THBS4: variants seen among roughly 807,000 people sequenced by gnomAD.
THBS4 encodes thrombospondin 4.
THBS4 carries 90 observed loss-of-function variants against 115.7 expected under a neutral mutation model. The observed-to-expected ratio is 0.78, with a 90% CI of 0.66 to 0.93. The LOEUF is 0.93. Among genes scored for constraint, THBS4 ranks in the 40% least tolerant of loss-of-function variants. The probability of loss-of-function intolerance (pLI) is 0.00; values close to 1 mark genes in which losing one functional copy is unlikely to be tolerated. For synonymous variants in THBS4, 460 were observed against 479.3 expected (o/e 0.96, Z 0.53); for missense variants, 1,087 against 1,232.7 (o/e 0.88, Z 1.77).
chr5:80,028,739 G>A (rs1027795575), intron 2 of THBS4, among the ~76,000 whole-genome samples: 2 of 152,090 alleles, frequency 1.3e-5, no homozygotes, highest in Non-Finnish European at 2.9e-5. Context: ...GATTACAGGC[G>A]TGAGCTACCA....
chr5:80,002,370 T>A (rs1241751663), intron 2 of THBS4, among the ~76,000 whole-genome samples: 1 of 152,190 alleles, frequency 6.6e-6, no homozygotes, highest in African/African-American at 2.4e-5. Context: ...ATACCCTCAA[T>A]GGATGTCAGG....
Position 80,035,693 on chromosome 5 carries a change from G to A in THBS4, c.88+68G>A. ...TGCCCCATCTGCTGAGTGAGTGGAGGGACTTGCTCGGCCCTGTGCTCCTGT... is the reference window on the plus strand; with the variant it reads ...TGCCCCATCTGCTGAGTGAGTGGAGAGACTTGCTCGGCCCTGTGCTCCTGT... On this transcript the variant is annotated intron_variant, in intron 1 of 21. Transcript: ENST00000350881. This position sits in a 1 kb window ranked among gnomAD's most constrained non-coding sequence, Gnocchi z 4.6. The A allele has an allele frequency of 9.0e-7, 1 of 1,104,980 alleles. No individual in the cohort carries two copies. The highest frequency in any genetic ancestry group is 1.2e-6 in the Non-Finnish European group (1 of 855,364). 68.4% of individuals were successfully genotyped at this position (1,104,980 alleles called of 1,614,324 possible).
At chr5:80,077,383 TC>T (rs1743269445) in intron 16 of THBS4, among the ~76,000 whole-genome samples, 2 of 152,090 alleles carry the variant, frequency 1.3e-5, no homozygotes, top group South Asian at 4.1e-4. Flanking sequence ...CCTGCCACCT[TC>T]CACTGGGAGT....
intron 19 of THBS4, 50 bp downstream of exon 19, chr5:80,079,308 C>CT: frequency 6.6e-7 from 1 of 1,516,060 alleles, no homozygotes. Flanking sequence ...GACCTCTCAT[C>CT]TTTTTTCAGA....
In THBS4 at chr5:80,055,906, C is replaced by T. The variant is rs756889254; in HGVS notation, c.414C>T (p.Ala138=). 1.9e-5 allele frequency: 30 copies of T among 1,614,024 alleles called. No homozygotes were observed. Among genetic ancestry groups the T allele is most frequent in the Middle Eastern group, 1.6e-4 (1 of 6,084 alleles). The part of the protein sequence containing the change: ...LLRLSNLQRG[A]GSLELYLDCI... ...GGCTGAGCAATTTGCAGCGAGGGGC[C>T]GGCTCCCTAGAGCTCTACCTGGACT... Residue 138 remains alanine (A), a synonymous_variant, in exon 3 of 22, where the codon GCC becomes GCT. Transcript: ENST00000350881.
At chr5:80,045,992 T>C (rs1170781473) in intron 2 of THBS4, among the ~76,000 whole-genome samples, 1 of 152,166 alleles carries the variant, frequency 6.6e-6, no homozygotes, top group African/African-American at 2.4e-5. Context: ...CACAAAACTA[T>C]AATAATTAGG....
chr5:80,065,080 C>G (rs1404205250), intron 8 of THBS4, among the ~76,000 whole-genome samples: 1 of 151,590 alleles, frequency 6.6e-6, no homozygotes, highest in Non-Finnish European at 1.5e-5. Context: ...TAAGAATCCT[C>G]ATTTAGGAGA....
chr5:80,063,574 C>A (rs1025417659), intron 8 of THBS4, among the ~76,000 whole-genome samples: 3 of 152,096 alleles, frequency 2.0e-5, no homozygotes, highest in African/African-American at 4.8e-5. Context: ...GCTTTTGTTG[C>A]CATTGCTTTA....
chr5:80,079,090 C>T lies in THBS4; in HGVS notation c.2343C>T (p.Phe781=), dbSNP rs752904360. 11 of 1,613,546 alleles carry T rather than the reference C, an allele frequency of 6.8e-6. No homozygotes were observed. The highest frequency in any genetic ancestry group is 3.3e-5 in the Admixed American group (2 of 59,972). The change falls in exon 19 of 22, where the codon TTC becomes TTT. Residue 781 remains phenylalanine, a synonymous_variant. Transcript: ENST00000350881. The part of the protein sequence containing the change: ...VGYTAFNGVD[F]EGTFHVNTQT... ...ACACAGCTTTTAATGGAGTTGACTT[C>T]GAAGGGACCTTCCATGTGAATACCC...
intron 2 of THBS4, among the ~76,000 whole-genome samples, chr5:80,050,022 A>G (rs1019020648): frequency 6.6e-6 from 1 of 152,204 alleles, no homozygotes; most frequent in Non-Finnish European, 1.5e-5. Flanking sequence ...TCCAATCTGC[A>G]CTGCATTCTG....
intron 14 of THBS4, chr5:80,072,613 T>G (rs538237878): frequency 2.9e-5 from 16 of 556,884 alleles, no homozygotes; most frequent in African/African-American, 2.1e-4. Flanking sequence ...GGCTGTCGAT[T>G]GCCTGTGAGG....
chr5:80,079,546 C>T (rs1204026426), intron 19 of THBS4, among the ~76,000 whole-genome samples: 2 of 152,144 alleles, frequency 1.3e-5, no homozygotes, highest in Non-Finnish European at 2.9e-5. Context: ...TAAATTTCAT[C>T]GATAGGTCCA....
At chr5:80,019,041 G>GTTTTTTTTTTTTTTTTTTTTTTT (rs537532061) in intron 2 of THBS4, among the ~76,000 whole-genome samples, 1 of 135,012 alleles carries the variant, frequency 7.4e-6, no homozygotes. Context: ...CTCTGTGATT[G>GTTTTTTTTTTTTTTTTTTTTTTT]TTTTTTTTTT....
At chr5:80,015,575 ACCT>A (rs1404370287) in intron 2 of THBS4, among the ~76,000 whole-genome samples, 2 of 152,060 alleles carry the variant, frequency 1.3e-5, no homozygotes, top group African/African-American at 4.8e-5. Flanking sequence ...CTGATAAGAA[ACCT>A]CCTTATAATA....
At chr5:80,054,159 C>CT (rs757155578) in intron 2 of THBS4, among the ~76,000 whole-genome samples, 1,537 of 88,552 alleles carry the variant, frequency 0.017, 28 homozygotes, top group East Asian at 0.04. Flanking sequence ...CTTTTCTTTT[C>CT]TTTTTTTTTT....
chr5:79,999,229 T>C (rs1831852969), intron 2 of THBS4, among the ~76,000 whole-genome samples: 1 of 152,262 alleles, frequency 6.6e-6, no homozygotes, highest in Admixed American at 6.5e-5. Context: ...TTAAGGGCTA[T>C]GGCATAATAA....
intron 2 of THBS4, among the ~76,000 whole-genome samples, chr5:80,044,527 A>T (rs1833000241): frequency 1.3e-5 from 2 of 151,792 alleles, no homozygotes; most frequent in Admixed American, 1.3e-4. Context: ...GGTTCGACTG[A>T]CTCTCCTGCC....
chr5:80,074,026 A>G (rs1743060130), intron 15 of THBS4, among the ~76,000 whole-genome samples: 1 of 152,222 alleles, frequency 6.6e-6, no homozygotes, highest in Non-Finnish European at 1.5e-5. Context: ...TAAAATGAGG[A>G]TGACAATAGA....
Position 80,070,508 on chromosome 5 carries a change from T to C in THBS4, c.1452+98T>C, listed in dbSNP as rs1014023563. Reference sequence around the variant, plus strand: ...GTTCTGTGGATCTAATTTAAAATTGTACTTGTAAAGTAGCTGCATCTCAGA... The same window carrying C: ...GTTCTGTGGATCTAATTTAAAATTGCACTTGTAAAGTAGCTGCATCTCAGA... On this transcript the variant is annotated intron_variant, in intron 11 of 21. Transcript: ENST00000350881. The C allele has an allele frequency of 1.3e-5, 18 of 1,425,102 alleles. No homozygotes were observed. In the African/African-American group the frequency reaches 2.5e-4, roughly 20 times the overall value. 88.3% of individuals were successfully genotyped at this position (1,425,102 alleles called of 1,614,324 possible).
Sources: allele counts gnomAD v4.1 joint callset (sites outside exome capture counted in the v4.1 genomes callset), GRCh38; gene constraint gnomAD v4.1.1; non-coding constraint Gnocchi (gnomAD v3.1); transcripts MANE v1.5; gene names NCBI Gene and HGNC (gene_info 2026-07-23, HGNC 2026-07-21).